STARD9: variants seen among roughly 807,000 people sequenced by gnomAD.
The protein encoded by STARD9 is stAR-related lipid transfer protein 9.
A neutral mutation model predicts 399.8 loss-of-function variants in STARD9; 346 were observed. The observed-to-expected ratio is 0.87, with a 90% confidence interval of 0.79 to 0.95. STARD9 has a LOEUF of 0.95. STARD9 is among the 40% of genes least tolerant of loss of function. The pLI is 0.00. For synonymous variants in STARD9, 2,203 were observed against 2,143.5 expected (o/e 1.03, Z -0.77); for missense variants, 5,832 against 5,667.5 (o/e 1.03, Z -0.93).
intron 3 of STARD9, among the ~76,000 whole-genome samples, chr15:42,633,422 C>G (rs1233277658): frequency 2.0e-5 from 3 of 152,120 alleles, no homozygotes; most frequent in Admixed American, 2.0e-4. Flanking sequence ...GCATGGGATG[C>G]TAAGCAGCAG....
rs202070432 is a variant in STARD9, at chr15:42,690,994, A to G, written c.9416A>G (p.Gln3139Arg). 1.8e-3 allele frequency: 2,750 copies of G among 1,537,136 alleles called. 4 individuals carry two copies. The highest frequency in any genetic ancestry group is 2.3e-3 in the Non-Finnish European group (2,582 of 1,146,804). ...AATCCAGAACCACCTGCAACAACTCAGGGACCACACACCCTGGATTTAAGT... is the reference window on the plus strand; with the variant it reads ...AATCCAGAACCACCTGCAACAACTCGGGGACCACACACCCTGGATTTAAGT... ...QTNPEPPATT[Q>R]GPHTLDLSEG... The change falls in exon 23 of 33, where the codon CAG (glutamine) becomes CGG (arginine). Residue 3139 changes from glutamine to arginine, a missense_variant. Transcript: ENST00000290607.
At chr15:42,715,933 TGA>T (rs1178564621) in intron 26 of STARD9, among the ~76,000 whole-genome samples, 1 of 152,108 alleles carries the variant, frequency 6.6e-6, no homozygotes, top group Non-Finnish European at 1.5e-5. Flanking sequence ...CAGGGCAGCG[TGA>T]GAGCTAAGCC....
chr15:42,693,428 T>G lies in STARD9; in HGVS notation c.11850T>G (p.Asn3950Lys). The G allele has an allele frequency of 6.5e-7, 1 of 1,537,196 alleles. No individual in the cohort carries two copies. The highest frequency in any genetic ancestry group is 1.2e-5 in the South Asian group (1 of 84,062). ...ATGCCCCAAGGACTCCAATGGATAATTATTCCCAAACCACTGACGAGTTAG... is the reference window on the plus strand; with the variant it reads ...ATGCCCCAAGGACTCCAATGGATAAGTATTCCCAAACCACTGACGAGTTAG... Reference protein sequence around the residue: ...PVDAPRTPMDNYSQTTDELGG... With the variant: ...PVDAPRTPMDKYSQTTDELGG... Residue 3950 changes from asparagine to lysine, a missense_variant, in exon 23 of 33, where the codon AAT becomes AAG. Asn to Lys is a moderately conservative substitution (Grantham distance 94). This residue lies in a region of STARD9 where 5,828 missense variants were observed against 5,651.1 expected (regional missense o/e 1.03). Coordinates refer to ENST00000290607, the MANE Select transcript of STARD9 (RefSeq NM_020759.3).
chr15:42,684,946 C>T lies in STARD9; in HGVS notation c.3368C>T (p.Pro1123Leu), dbSNP rs942795939. 2 of 1,536,890 alleles carry T rather than the reference C, an allele frequency of 1.3e-6. No homozygotes were observed. The highest frequency in any genetic ancestry group is 2.0e-5 in the Admixed American group (1 of 50,982). The change falls in exon 23 of 33, where the codon CCA (proline) becomes CTA (leucine). Residue 1123 changes from proline (P) to leucine (L), a missense_variant. Pro to Leu is a moderately conservative substitution (Grantham distance 98). This residue lies in a region of STARD9 where 5,828 missense variants were observed against 5,651.1 expected (regional missense o/e 1.03). Transcript: ENST00000290607. ...GTCTATGCCAAAGCCCTGATAGAGC[C>T]ACTGAAGCCAGAGGAGAGGAAATGG... ...SCVYAKALIEPLKPEERKWDF... is the reference protein window; with the variant it reads ...SCVYAKALIELLKPEERKWDF...
intron 3 of STARD9, among the ~76,000 whole-genome samples, chr15:42,588,776 GTTTTTTTTT>G (rs758570571): frequency 5.2e-5 from 2 of 38,414 alleles, no homozygotes; most frequent in Admixed American, 4.3e-4. Flanking sequence ...TCTTCACAGC[GTTTTTTTTT>G]TTTTTTTTTT....
chr15:42,637,314 G>C (rs2141927597), intron 4 of STARD9, among the ~76,000 whole-genome samples: 1 of 152,244 alleles, frequency 6.6e-6, no homozygotes, highest in Admixed American at 6.5e-5. Flanking sequence ...CTGGGTTCAA[G>C]TGATCCTCCC....
At position 42,693,250 on chromosome 15, in the gene STARD9, C is replaced by T; in HGVS notation, c.11672C>T (p.Ala3891Val). ...CAGAAGAAGCTGGGCCCCACAAGTG[C>T]TTTGTTCGTGGACAGGGCCTCCTCC... ...RVQKKLGPTSALFVDRASSPI... is the reference protein window; with the variant it reads ...RVQKKLGPTSVLFVDRASSPI... Residue 3891 changes from alanine (A) to valine (V), a missense_variant, in exon 23 of 33, where the codon GCT becomes GTT. Physicochemically the swap from Ala to Val is moderately conservative, Grantham distance 64. Coordinates refer to ENST00000290607, the MANE Select transcript of STARD9 (RefSeq NM_020759.3). The T allele has an allele frequency of 6.5e-7, 1 of 1,537,056 alleles. No homozygotes were observed. The highest frequency in any genetic ancestry group is 8.7e-7 in the Non-Finnish European group (1 of 1,146,866).
chr15:42,701,405 T>C (rs2060961216), intron 26 of STARD9, among the ~76,000 whole-genome samples: 1 of 152,248 alleles, frequency 6.6e-6, no homozygotes, highest in Admixed American at 6.5e-5. Context: ...TCATGTCATC[T>C]TTAATTTCTT....
chr15:42,622,399 A>G (rs903636299), intron 3 of STARD9, among the ~76,000 whole-genome samples: 3 of 151,294 alleles, frequency 2.0e-5, no homozygotes, highest in Non-Finnish European at 4.4e-5. Context: ...ACAGGGTCTC[A>G]CTTTGTTGCT....
At chr15:42,594,741 A>G (rs537556549) in intron 3 of STARD9, among the ~76,000 whole-genome samples, 20 of 152,188 alleles carry the variant, frequency 1.3e-4, no homozygotes, top group Admixed American at 1.2e-3. Flanking sequence ...CTGCAACACA[A>G]TGGTCCTAGC....
At position 42,674,939 on chromosome 15, in the gene STARD9, C is replaced by G. The variant is rs1279658087; in HGVS notation, c.1662C>G (p.Val554=). 6.5e-7 allele frequency: 1 copy of G among 1,536,088 alleles called. No homozygotes were observed. The highest frequency in any genetic ancestry group is 1.4e-5 in the African/African-American group (1 of 73,012). The change falls in exon 18 of 33, where the codon GTC becomes GTG. Residue 554 remains valine (V), a synonymous_variant. Transcript: ENST00000290607. ...GARCTVNGRE[V]TASCRLTQGA... is the part of the protein sequence containing the mutation. ...GCTGTACAGTCAATGGCCGGGAGGT[C>G]ACTGCCTCCTGCCGTCTGACTCAAG... is the stretch of plus-strand genomic sequence containing the variant.
intron 27 of STARD9, 35 bp from the exon 28 acceptor site, chr15:42,716,892 A>G: frequency 6.5e-7 from 1 of 1,536,644 alleles, no homozygotes; most frequent in Non-Finnish European, 8.7e-7. Flanking sequence ...CCTGATGTTC[A>G]GTGCTATCAC....
At chr15:42,614,423 A>G (rs1258634640) in intron 3 of STARD9, among the ~76,000 whole-genome samples, 1 of 152,208 alleles carries the variant, frequency 6.6e-6, no homozygotes, top group Non-Finnish European at 1.5e-5. Context: ...TGGCCCAAAA[A>G]ATGAATGATG....
chr15:42,704,728 G>A (rs1038356851), intron 26 of STARD9, among the ~76,000 whole-genome samples: 4 of 152,188 alleles, frequency 2.6e-5, no homozygotes, highest in Admixed American at 2.6e-4. Context: ...TGGTTTTGTT[G>A]TTGTGGGCTT....
chr15:42,587,030 A>AT (rs1022334831), intron 3 of STARD9, among the ~76,000 whole-genome samples: 1 of 151,718 alleles, frequency 6.6e-6, no homozygotes, highest in Non-Finnish European at 1.5e-5. Context: ...TAATTTTTGT[A>AT]TTTTTTGTAG....
intron 26 of STARD9, among the ~76,000 whole-genome samples, chr15:42,703,825 G>A (rs1364365441): frequency 6.6e-6 from 1 of 151,948 alleles, no homozygotes; most frequent in African/African-American, 2.4e-5. Flanking sequence ...TGTCAAGACA[G>A]CATTTTAATG....
chr15:42,695,094 C>T lies in STARD9; in HGVS notation c.12963-46C>T, dbSNP rs534372094. 4.8e-6 allele frequency: 7 copies of T among 1,449,300 alleles called. No individual in the cohort carries two copies. In the South Asian group the frequency reaches 5.3e-5, roughly 11 times the overall value. The allele number at this position is 1,449,300 out of a possible 1,614,324, so 89.8% of individuals were successfully genotyped here. ...CTAGCCTTGGATGGACAGACCAGGA[C>T]TGTCACCCACCCACCATGTTCTTTC... is the stretch of plus-strand genomic sequence containing the variant. On this transcript the variant is annotated intron_variant, in intron 24 of 32. Coordinates refer to ENST00000290607, the MANE Select transcript of STARD9 (RefSeq NM_020759.3).
chr15:42,589,669 C>T (rs1031041510), intron 3 of STARD9, among the ~76,000 whole-genome samples: 2 of 150,370 alleles, frequency 1.3e-5, no homozygotes, highest in East Asian at 1.9e-4. Context: ...CGCAGTGGTG[C>T]GATCATGGCT....
At chr15:42,647,847 A>T (rs1307036219) in intron 7 of STARD9, among the ~76,000 whole-genome samples, 2 of 152,158 alleles carry the variant, frequency 1.3e-5, no homozygotes, top group African/African-American at 4.8e-5. Flanking sequence ...TTAAAAAATT[A>T]TTCCATATTC....
Sources: gnomAD v4.1 joint callset for allele counts (sites outside exome capture counted in the v4.1 genomes callset) on GRCh38, gnomAD v4.1.1 for gene constraint, gnomAD v4.1.1 regional missense constraint, MANE v1.5 for transcripts, NCBI Gene and HGNC (gene_info 2026-07-23, HGNC 2026-07-21) for gene names.